SLC49A4: variants seen among roughly 807,000 people sequenced by gnomAD.
SLC49A4 encodes the protein disrupted in renal cancer protein 2.
In SLC49A4, 36 loss-of-function variants were observed where a neutral mutation model predicts 50.6. The ratio of observed to expected loss-of-function variants is 0.71; its 90% CI spans 0.55 to 0.94. The LOEUF is 0.94. Among genes scored for constraint, SLC49A4 ranks in the 40% least tolerant of loss-of-function variants. The pLI, the probability that SLC49A4 is intolerant of heterozygous loss-of-function variation, is 0.00. For synonymous variants in SLC49A4, 248 were observed against 241.2 expected, an observed-to-expected ratio of 1.03 and a Z score of -0.26; for missense variants, 503 against 605.7, an observed-to-expected ratio of 0.83 and a Z score of 1.78.
intron 1 of SLC49A4, among the ~76,000 whole-genome samples, chr3:122,797,883 A>G (rs1005113776): frequency 3.3e-5 from 5 of 152,164 alleles, no homozygotes; most frequent in African/African-American, 1.2e-4. Flanking sequence ...GGGGAGGCTG[A>G]GGCTGGAGGA....
intron 3 of SLC49A4, among the ~76,000 whole-genome samples, chr3:122,831,694 C>T (rs1019424421): frequency 5.3e-5 from 8 of 152,072 alleles, no homozygotes; most frequent in Middle Eastern, 6.8e-3. Context: ...TTGTACAATT[C>T]TGCTGGTAAA....
At chr3:122,824,167 A>C (rs956779446) in intron 2 of SLC49A4, among the ~76,000 whole-genome samples, 8 of 152,244 alleles carry the variant, frequency 5.3e-5, no homozygotes, top group African/African-American at 1.9e-4. Flanking sequence ...ATTATCTAAA[A>C]TTGGAGTAAC....
intron 2 of SLC49A4, among the ~76,000 whole-genome samples, chr3:122,808,763 A>G (rs1936258807): frequency 6.6e-6 from 1 of 152,212 alleles, no homozygotes; most frequent in South Asian, 2.1e-4. Context: ...GCAATAAACC[A>G]GGTGAGAGAT....
intron 7 of SLC49A4, among the ~76,000 whole-genome samples, chr3:122,870,718 C>T (rs1478888648): frequency 1.3e-5 from 2 of 151,608 alleles, no homozygotes; most frequent in East Asian, 3.9e-4. Flanking sequence ...GAGGCTGAGG[C>T]AGGAGAATCA....
At chr3:122,874,073 A>G (rs563062391) in intron 8 of SLC49A4, among the ~76,000 whole-genome samples, 12 of 152,336 alleles carry the variant, frequency 7.9e-5, no homozygotes, top group African/African-American at 2.6e-4. Flanking sequence ...CAGGTGCCAG[A>G]TAATGTTATC....
chr3:122,853,860 G>C (rs1936954278), intron 5 of SLC49A4, among the ~76,000 whole-genome samples: 3 of 152,312 alleles, frequency 2.0e-5, no homozygotes, highest in African/African-American at 7.2e-5. Context: ...CTCTGAGAGA[G>C]ATAGAGACCC....
chr3:122,875,912 G>A (rs1186818839), intron 8 of SLC49A4, among the ~76,000 whole-genome samples: 1 of 152,132 alleles, frequency 6.6e-6, no homozygotes, highest in Non-Finnish European at 1.5e-5. Context: ...TGTGGTTCAG[G>A]CTCCTATACC....
At chr3:122,828,714 C>G (rs1936570909) in intron 3 of SLC49A4, among the ~76,000 whole-genome samples, 1 of 152,102 alleles carries the variant, frequency 6.6e-6, no homozygotes. Context: ...GCAAGGGTAG[C>G]AGCAGTATAT....
intron 2 of SLC49A4, among the ~76,000 whole-genome samples, chr3:122,822,668 C>T (rs760884640): frequency 3.9e-5 from 6 of 152,208 alleles, no homozygotes; most frequent in Non-Finnish European, 8.8e-5. Flanking sequence ...CTTTAGTTGC[C>T]GTGATACCAG....
In SLC49A4 at chr3:122,881,114, CTGAAATAAAAA is replaced by C. The variant is rs930849968; in HGVS notation, c.*1747_*1757del. The C allele has an allele frequency of 1.3e-5, 2 of 150,866 alleles. No homozygotes were observed. Among genetic ancestry groups the C allele is most frequent in the African/African-American group, 4.9e-5 (2 of 41,036 alleles). 9.3% of individuals were successfully genotyped at this position (150,866 alleles called of 1,614,324 possible). A position where few individuals can be genotyped will look rare whatever the true frequency, so the allele number is the denominator to read the frequency against. ...AGTTCCAGTTAATTCTGTTATTCTT[CTGAAATAAAAA>C]TGAAATAAAAGGAAGGCAGAATTCT... On this transcript the variant is annotated 3_prime_UTR_variant, in exon 9 of 9. Coordinates refer to ENST00000261038, the MANE Select transcript of SLC49A4 (RefSeq NM_032839.3).
intron 7 of SLC49A4, among the ~76,000 whole-genome samples, chr3:122,862,252 A>G (rs1576309861): frequency 2.0e-5 from 3 of 152,318 alleles, no homozygotes; most frequent in East Asian, 3.9e-4. Context: ...GATGTGATTA[A>G]TGGGATTGTT....
At chr3:122,828,946 T>A (rs1401167585) in intron 3 of SLC49A4, among the ~76,000 whole-genome samples, 2 of 152,182 alleles carry the variant, frequency 1.3e-5, no homozygotes. Flanking sequence ...ATGGTTCTCA[T>A]GCAGTCAAGC....
chr3:122,813,899 C>G (rs1369271314), intron 2 of SLC49A4, among the ~76,000 whole-genome samples: 6 of 152,082 alleles, frequency 3.9e-5, no homozygotes, highest in African/African-American at 1.4e-4. Flanking sequence ...AAACATATTC[C>G]TGATGGATTG....
At chr3:122,799,203 T>C (rs1936095656) in intron 1 of SLC49A4, among the ~76,000 whole-genome samples, 2 of 152,128 alleles carry the variant, frequency 1.3e-5, no homozygotes, top group African/African-American at 4.8e-5. Context: ...AGCAAATATT[T>C]AGTATGTCAC....
At chr3:122,863,058 A>T (rs1054601865) in intron 7 of SLC49A4, among the ~76,000 whole-genome samples, 1 of 152,212 alleles carries the variant, frequency 6.6e-6, no homozygotes, top group African/African-American at 2.4e-5. Flanking sequence ...GATAGAATTG[A>T]TGTGGCCACC....
rs1193150278 is a variant in SLC49A4, at chr3:122,879,469, A to T, written c.*91A>T. On this transcript the variant is annotated 3_prime_UTR_variant, in exon 9 of 9. Transcript: ENST00000261038. ...AGAATTGCACATCTAACAGGAAAAGAGGGAGAAGAAAGAAACTTCATTCAG... is the reference window on the plus strand; with the variant it reads ...AGAATTGCACATCTAACAGGAAAAGTGGGAGAAGAAAGAAACTTCATTCAG... 7.4e-6 allele frequency: 7 copies of T among 944,270 alleles called. No individual in the cohort carries two copies. Among genetic ancestry groups the T allele is most frequent in the Non-Finnish European group, 1.1e-5 (7 of 622,668 alleles). 58.5% of individuals were successfully genotyped at this position (944,270 alleles called of 1,614,324 possible). A position where few individuals can be genotyped will look rare whatever the true frequency, so the allele number is the denominator to read the frequency against.
At chr3:122,865,537 G>A (rs1937107933) in intron 7 of SLC49A4, among the ~76,000 whole-genome samples, 1 of 152,160 alleles carries the variant, frequency 6.6e-6, no homozygotes, top group South Asian at 2.1e-4. Context: ...ATATATCTGT[G>A]TGTGTACACA....
chr3:122,879,502 G>T lies in SLC49A4; in HGVS notation c.*124G>T. The T allele has an allele frequency of 4.2e-6, 3 of 716,820 alleles. No homozygotes were observed. The highest frequency in any genetic ancestry group is 7.1e-6 in the Non-Finnish European group (3 of 424,726). 44.4% of individuals were successfully genotyped at this position (716,820 alleles called of 1,614,324 possible). A position where few individuals can be genotyped will look rare whatever the true frequency, so the allele number is the denominator to read the frequency against. Reference sequence around the variant, plus strand: ...GAAAGAAACTTCATTCAGAGGTTTTGTTAGGTTACAGATTATCACATTAAT... The same window carrying T: ...GAAAGAAACTTCATTCAGAGGTTTTTTTAGGTTACAGATTATCACATTAAT... On this transcript the variant is annotated 3_prime_UTR_variant, in exon 9 of 9. Coordinates refer to ENST00000261038, the MANE Select transcript of SLC49A4 (RefSeq NM_032839.3).
chr3:122,864,342 A>G (rs886603170), intron 7 of SLC49A4, among the ~76,000 whole-genome samples: 1 of 152,250 alleles, frequency 6.6e-6, no homozygotes, highest in African/African-American at 2.4e-5. Context: ...AGTTTATGCA[A>G]TAAACAAAAT....
Sources: gnomAD v4.1 joint callset for allele counts (sites outside exome capture counted in the v4.1 genomes callset) on GRCh38, gnomAD v4.1.1 for gene constraint, MANE v1.5 for transcripts, NCBI Gene and HGNC (gene_info 2026-07-23, HGNC 2026-07-21) for gene names.